ENPP6: variants seen among roughly 807,000 people sequenced by gnomAD.
ENPP6 encodes glycerophosphocholine cholinephosphodiesterase ENPP6.
Under a neutral mutation model 42.0 loss-of-function variants are expected in ENPP6, and 32 were observed. The observed-to-expected ratio is 0.76, with a 90% confidence interval of 0.58 to 1.02. The LOEUF is 1.02. Ranked by LOEUF, ENPP6 falls within the 50% of genes least tolerant of loss-of-function variation. The probability of loss-of-function intolerance (pLI) is 0.00; values close to 1 mark genes in which losing one functional copy is unlikely to be tolerated. For missense variants in ENPP6, 552 were observed against 566.8 expected (o/e 0.97, Z 0.27); for synonymous variants, 213 against 216.0 (o/e 0.99, Z 0.12).
chr4:184,212,672 T>C (rs929537730), intron 1 of ENPP6, among the ~76,000 whole-genome samples: 1 of 151,580 alleles, frequency 6.6e-6, no homozygotes, highest in African/African-American at 2.4e-5. Flanking sequence ...CCCAAGGTAA[T>C]TTACAGATTC....
intron 4 of ENPP6, 106 bp from the exon 5 acceptor site, chr4:184,117,141 C>T (rs1736334289): frequency 7.4e-7 from 1 of 1,349,578 alleles, no homozygotes; most frequent in Admixed American, 2.0e-5. Context: ...CTCCTCAGTT[C>T]TGTGTTTAAT....
chr4:184,167,307 C>A (rs1737365439), intron 1 of ENPP6, among the ~76,000 whole-genome samples: 1 of 152,098 alleles, frequency 6.6e-6, no homozygotes, highest in Non-Finnish European at 1.5e-5. Flanking sequence ...GTAGAGACAG[C>A]TTTCACCATG....
At chr4:184,114,824 A>T (rs903730409) in intron 5 of ENPP6, among the ~76,000 whole-genome samples, 2 of 152,170 alleles carry the variant, frequency 1.3e-5, no homozygotes, top group Admixed American at 6.5e-5. Context: ...GAACCTGCCA[A>T]TGTGTAAAAT....
chr4:184,205,737 G>A (rs1432412938), intron 1 of ENPP6, among the ~76,000 whole-genome samples: 2 of 152,220 alleles, frequency 1.3e-5, no homozygotes, highest in Non-Finnish European at 2.9e-5. Flanking sequence ...AGGCAGTCAG[G>A]GTGGTGGCTT....
At chr4:184,169,099 T>G (rs1737413423) in intron 1 of ENPP6, among the ~76,000 whole-genome samples, 1 of 152,226 alleles carries the variant, frequency 6.6e-6, no homozygotes, top group African/African-American at 2.4e-5. Context: ...CAGTGGACGT[T>G]TAACTTTGAA....
At chr4:184,111,535 T>C (rs1736195634) in intron 6 of ENPP6, among the ~76,000 whole-genome samples, 2 of 152,152 alleles carry the variant, frequency 1.3e-5, no homozygotes, top group Non-Finnish European at 2.9e-5. Flanking sequence ...TTTTGGATTG[T>C]AGAGGAGAGG....
At chr4:184,162,091 C>T (rs780935470) in intron 1 of ENPP6, among the ~76,000 whole-genome samples, 5 of 152,046 alleles carry the variant, frequency 3.3e-5, no homozygotes, top group South Asian at 2.1e-4. Flanking sequence ...CCCCCCTCCC[C>T]GCATGGTTTT....
chr4:184,133,872 A>ATATT (rs1553996310), intron 2 of ENPP6, among the ~76,000 whole-genome samples: 2 of 145,868 alleles, frequency 1.4e-5, no homozygotes, highest in Admixed American at 6.8e-5. Context: ...ATATTGATTG[A>ATATT]TTTTTTTTTT....
intron 1 of ENPP6, among the ~76,000 whole-genome samples, chr4:184,157,622 T>A (rs75653233): frequency 0.012 from 1,825 of 150,834 alleles, 18 homozygotes; most frequent in South Asian, 0.062. Context: ...TCTCTCTTTC[T>A]CTCTTTCTTC....
chr4:184,121,761 G>T (rs928785260), intron 3 of ENPP6, among the ~76,000 whole-genome samples: 1 of 152,208 alleles, frequency 6.6e-6, no homozygotes, highest in East Asian at 1.9e-4. Context: ...GCTCTTGACT[G>T]GTCTAGACTG....
chr4:184,131,201 C>CTTTCTTTCTT lies in ENPP6; in HGVS notation c.422-6930_422-6929insAAGAAAGAAA, dbSNP rs376993212. On this transcript the variant is annotated intron_variant, in intron 2 of 7. Coordinates refer to ENST00000296741, the MANE Select transcript of ENPP6 (RefSeq NM_153343.4). ...TCTTTCTTTCTTTCTTTCTTTCTTT[C>CTTTCTTTCTT]TTCTTTCTTTCTTTCTTTTTCTTTC... Among the ~76,000 whole-genome samples, 80 of 70,680 alleles carry CTTTCTTTCTT rather than the reference C, an allele frequency of 1.1e-3. 3 individuals carry two copies. The highest frequency in any genetic ancestry group is 7.2e-3 in the Middle Eastern group (1 of 138). 46.4% of individuals were successfully genotyped at this position (70,680 alleles called of 152,430 possible).
At chr4:184,100,468 A>G (rs926891969) in intron 6 of ENPP6, among the ~76,000 whole-genome samples, 2 of 152,166 alleles carry the variant, frequency 1.3e-5, no homozygotes, top group African/African-American at 4.8e-5. Context: ...AGGGACTGCC[A>G]CACAGCGCCA....
chr4:184,139,424 T>C (rs1357472521), intron 2 of ENPP6, among the ~76,000 whole-genome samples: 3 of 150,346 alleles, frequency 2.0e-5, no homozygotes, highest in Non-Finnish European at 3.0e-5. Flanking sequence ...GTTACATATG[T>C]ATACATGTGC....
rs963536283 is a variant in ENPP6, at chr4:184,217,813, C to T, written c.7G>A (p.Val3Met). Residue 3 changes from valine (V) to methionine (M), a missense_variant, in exon 1 of 8, where the codon GTG (valine) becomes ATG (methionine). Val to Met is a conservative substitution (Grantham distance 21). Coordinates refer to ENST00000296741, the MANE Select transcript of ENPP6 (RefSeq NM_153343.4). MA[V>M]KLGTLLLALA... ...GCCAGCAGGAGGGTCCCAAGCTTCA[C>T]TGCCATGCTGCCAGGAGCCTGCCAG... 1 of 1,613,240 alleles carries T rather than the reference C, an allele frequency of 6.2e-7. No homozygotes were observed. The highest frequency in any genetic ancestry group is 1.3e-5 in the African/African-American group (1 of 75,070).
At chr4:184,174,609 T>C (rs1737531024) in intron 1 of ENPP6, among the ~76,000 whole-genome samples, 1 of 152,222 alleles carries the variant, frequency 6.6e-6, no homozygotes, top group African/African-American at 2.4e-5. Flanking sequence ...CTCAGACAGG[T>C]GAAGTAAACT....
intron 1 of ENPP6, among the ~76,000 whole-genome samples, chr4:184,178,182 C>T (rs574867561): frequency 1.3e-5 from 2 of 151,952 alleles, no homozygotes; most frequent in East Asian, 1.9e-4. Flanking sequence ...TATAAATGAC[C>T]TGATGGAGCT....
chr4:184,095,679 T>G (rs1477195305), intron 7 of ENPP6, among the ~76,000 whole-genome samples: 2 of 150,752 alleles, frequency 1.3e-5, no homozygotes, highest in Non-Finnish European at 2.9e-5. Context: ...TATCTATATA[T>G]ATATATAGAT....
chr4:184,185,553 C>T (rs1299809082), intron 1 of ENPP6, among the ~76,000 whole-genome samples: 1 of 152,184 alleles, frequency 6.6e-6, no homozygotes, highest in African/African-American at 2.4e-5. Flanking sequence ...TCTCATCACC[C>T]TCTTTAACCT....
chr4:184,144,447 A>G (rs958632382), intron 2 of ENPP6, among the ~76,000 whole-genome samples: 2 of 152,068 alleles, frequency 1.3e-5, no homozygotes, highest in Non-Finnish European at 2.9e-5. Context: ...CAGCCCCGCC[A>G]CTCACTTTCC....
Sources: gnomAD v4.1 joint callset for allele counts (sites outside exome capture counted in the v4.1 genomes callset) on GRCh38, gnomAD v4.1.1 for gene constraint, MANE v1.5 for transcripts, NCBI Gene and HGNC (gene_info 2026-07-23, HGNC 2026-07-21) for gene names.